The following RUNX3 variants were observed in gnomAD, a reference collection of about 807,000 sequenced individuals.
The protein encoded by RUNX3 is runt-related transcription factor 3.
In RUNX3, 10 loss-of-function variants were observed where a neutral mutation model predicts 27.7. That is an observed-to-expected ratio of 0.36 (90% confidence interval 0.22 to 0.61). The LOEUF (loss-of-function observed/expected upper bound fraction) is 0.61. Ranked by LOEUF, RUNX3 falls within the 20% of genes least tolerant of loss-of-function variation. The pLI is 0.72. For synonymous variants in RUNX3, 270 were observed against 269.2 expected (o/e 1.00, Z -0.03); for missense variants, 469 against 629.5 (o/e 0.75, Z 2.73).
Position 24,902,477 on chromosome 1 carries a change from G to A in RUNX3, c.893C>T (p.Pro298Leu), listed in dbSNP as rs764020894. The change falls in exon 5 of 5, where the codon CCG becomes CTG. Residue 298 changes from proline (P) to leucine (L), a missense_variant. Coordinates refer to ENST00000308873, the MANE Select transcript of RUNX3 (RefSeq NM_004350.3). This position sits in a 1 kb window ranked among gnomAD's most constrained non-coding sequence, Gnocchi z 9.2. ...GGTATGGTGGAAGCGGCTGGTGGCCGGCATGCCCGCCACGCTGAGGCTGCT... is the reference window on the plus strand; with the variant it reads ...GGTATGGTGGAAGCGGCTGGTGGCCAGCATGCCCGCCACGCTGAGGCTGCT... ...SISSLSVAGM[P>L]ATSRFHHTYL... 9 of 1,600,540 alleles carry A rather than the reference G, an allele frequency of 5.6e-6. No homozygotes were observed. The highest frequency in any genetic ancestry group is 2.7e-5 in the African/African-American group (2 of 74,682).
intron 2 of RUNX3, among the ~76,000 whole-genome samples, chr1:24,921,047 A>G (rs930942361): frequency 6.6e-6 from 1 of 152,100 alleles, no homozygotes; most frequent in Admixed American, 6.6e-5. Context: ...GTAGGGGCCA[A>G]TGGTCTCGCA....
At chr1:24,909,295 G>A (rs531226628) in intron 3 of RUNX3, among the ~76,000 whole-genome samples, 22 of 152,212 alleles carry the variant, frequency 1.4e-4, no homozygotes, top group African/African-American at 4.8e-4. Flanking sequence ...TCTGTCCACC[G>A]CTCTAAGCTC....
intron 2 of RUNX3, among the ~76,000 whole-genome samples, chr1:24,956,211 G>A (rs1037790514): frequency 1.1e-4 from 16 of 152,246 alleles, no homozygotes; most frequent in African/African-American, 3.6e-4. Flanking sequence ...CCAGGCTGGA[G>A]CTCAGGCTGA....
At chr1:24,905,657 G>T (rs1245377197) in intron 4 of RUNX3, among the ~76,000 whole-genome samples, 1 of 152,270 alleles carries the variant, frequency 6.6e-6, no homozygotes, top group African/African-American at 2.4e-5. Flanking sequence ...TGGATGGGCA[G>T]ATGTGGGCTC....
Position 24,914,944 on chromosome 1 carries a change from C to T in RUNX3, c.544+4296G>A, listed in dbSNP as rs183912468. 1.2e-3 allele frequency among the ~76,000 whole-genome samples: 181 copies of T among 152,302 alleles called. 1 individual carries two copies. Among genetic ancestry groups the T allele is most frequent in the African/African-American group, 3.9e-3 (163 of 41,570 alleles). On this transcript the variant is annotated intron_variant, in intron 3 of 4. Coordinates refer to ENST00000308873, the MANE Select transcript of RUNX3 (RefSeq NM_004350.3). ...CCCTTGTTCCATCCCTTGCACGCTC[C>T]ACTCCTTCTCCCAGCTTTGTTTTTC...
rs1405091406 is a variant in RUNX3 at position 24,907,434 on chromosome 1, G to A, written c.545-17C>T. 1.9e-6 allele frequency: 3 copies of A among 1,602,948 alleles called. No homozygotes were observed. Among genetic ancestry groups the A allele is most frequent in the African/African-American group, 2.7e-5 (2 of 74,648 alleles). On this transcript the variant is annotated splice_polypyrimidine_tract_variant and intron_variant, in intron 3 of 4. Transcript: ENST00000308873. ...GCCGGTGCCCTGCAGAGCACAGGAA[G>A]CCCATCAGCCGTTGCTTCCCCAGAG...
chr1:24,944,061 T>TA lies in RUNX3; in HGVS notation c.59-14210dup, dbSNP rs200532135. Among the ~76,000 whole-genome samples, 878 of 152,300 alleles carry TA rather than the reference T, an allele frequency of 5.8e-3. 11 individuals carry two copies. The highest frequency in any genetic ancestry group is 0.02 in the African/African-American group (842 of 41,558). The stretch of plus-strand genomic sequence containing the variant: ...ATTAGCGACTTAGCCCTTGGGGCCT[T>TA]ACAGAGTTTCTTATTAAAATGTGAG... On this transcript the variant is annotated intron_variant, in intron 2 of 6. Coordinates refer to the RUNX3 transcript ENST00000338888.
chr1:24,902,751 C>T lies in RUNX3; in HGVS notation c.704-85G>A. 8.0e-7 allele frequency: 1 copy of T among 1,256,204 alleles called. No homozygotes were observed. Among genetic ancestry groups the T allele is most frequent in the Non-Finnish European group, 1.1e-6 (1 of 928,356 alleles). The allele number at this position is 1,256,204 out of a possible 1,614,324, so 77.8% of individuals were successfully genotyped here. ...GAAGAATGACCTTGGGCTCTGGTTCCCAAGGCCCATCTGGGGGACCCCTAG... is the reference window on the plus strand; with the variant it reads ...GAAGAATGACCTTGGGCTCTGGTTCTCAAGGCCCATCTGGGGGACCCCTAG... On this transcript the variant is annotated intron_variant, in intron 4 of 4. Coordinates refer to ENST00000308873, the MANE Select transcript of RUNX3 (RefSeq NM_004350.3). This position sits in a 1 kb window ranked among gnomAD's most constrained non-coding sequence, Gnocchi z 9.2.
chr1:24,917,145 C>T (rs1001592349), intron 3 of RUNX3, among the ~76,000 whole-genome samples: 11 of 152,196 alleles, frequency 7.2e-5, no homozygotes, highest in Admixed American at 1.3e-4. Context: ...TCCCACCAAG[C>T]GTCAAGACCC....
chr1:24,952,626 C>T (rs1399058149), intron 2 of RUNX3, among the ~76,000 whole-genome samples: 3 of 152,222 alleles, frequency 2.0e-5, no homozygotes, highest in African/African-American at 7.2e-5. Flanking sequence ...GGATGAGTGG[C>T]TCCACCTCTA....
At chr1:24,957,882 A>G (rs1641986118) in intron 2 of RUNX3, among the ~76,000 whole-genome samples, 1 of 152,264 alleles carries the variant, frequency 6.6e-6, no homozygotes, top group Non-Finnish European at 1.5e-5. Context: ...GCTGCAGCTG[A>G]GGCTTATAGC....
At position 24,902,825 on chromosome 1, in the gene RUNX3, C is replaced by T. The variant is rs1640587301; in HGVS notation, c.704-159G>A. Among the ~76,000 whole-genome samples, 1 of 152,188 alleles carries T rather than the reference C, an allele frequency of 6.6e-6. No homozygotes were observed. Among genetic ancestry groups the T allele is most frequent in the Non-Finnish European group, 1.5e-5 (1 of 68,020 alleles). ...CTGCCCTAGGCTGCCCGGGGCCTCC[C>T]CCGCCAGGACTCCGAACACAGACCT... On this transcript the variant is annotated intron_variant, in intron 4 of 4. Coordinates refer to ENST00000308873, the MANE Select transcript of RUNX3 (RefSeq NM_004350.3). This position sits in a 1 kb window ranked among gnomAD's most constrained non-coding sequence, Gnocchi z 9.2.
At chr1:24,919,467 T>C (rs1465688432) in intron 2 of RUNX3, 123 bp from the exon 3 acceptor site, 11 of 616,612 alleles carry the variant, frequency 1.8e-5, no homozygotes, top group Admixed American at 3.0e-5. Flanking sequence ...CTGTCCTCTT[T>C]GAACATGGGC....
rs761778827 is a variant in RUNX3 at position 24,929,726 on chromosome 1, G to A, written c.143C>T (p.Ala48Val). The change falls in exon 1 of 5, where the codon GCC (alanine) becomes GTC (valine). Residue 48 changes from alanine to valine, a missense_variant. Ala to Val is a moderately conservative substitution (Grantham distance 64). Around this residue, in one of 3 missense-constraint regions of RUNX3, gnomAD observed 115 missense variants for 118.0 expected, o/e 0.97. Transcript: ENST00000308873. ...AQAAVGPGGRARPEVRSMVDV... is the reference protein window; with the variant it reads ...AQAAVGPGGRVRPEVRSMVDV... ...CACCATCGAGCGCACCTCGGGCCGG[G>A]CGCGCCCTCCGGGCCCCACGGCCGC... 3 of 1,509,360 alleles carry A rather than the reference G, an allele frequency of 2.0e-6. No individual in the cohort carries two copies. Among genetic ancestry groups the A allele is most frequent in the Non-Finnish European group, 1.8e-6 (2 of 1,138,904 alleles). 93.5% of individuals were successfully genotyped at this position (1,509,360 alleles called of 1,614,324 possible).
chr1:24,928,040 G>C (rs1043020064), intron 1 of RUNX3, among the ~76,000 whole-genome samples: 2 of 152,234 alleles, frequency 1.3e-5, no homozygotes, highest in African/African-American at 4.8e-5. Context: ...CAGTCACTAT[G>C]ATGTGGGGTG....
intron 1 of RUNX3, 107 bp downstream of exon 1, chr1:24,929,480 C>G: frequency 1.7e-6 from 2 of 1,144,002 alleles, no homozygotes; most frequent in Non-Finnish European, 2.5e-6. Flanking sequence ...GTCGCCGCGG[C>G]GTCTCGGGCA....
chr1:24,941,609 C>T (rs1641481358), intron 2 of RUNX3, among the ~76,000 whole-genome samples: 1 of 152,178 alleles, frequency 6.6e-6, no homozygotes, highest in South Asian at 2.1e-4. Context: ...CCTGGCCTGG[C>T]TGTGTGGGGA....
At chr1:24,948,698 G>T (rs1194530957) in intron 2 of RUNX3, among the ~76,000 whole-genome samples, 1 of 151,054 alleles carries the variant, frequency 6.6e-6, no homozygotes, top group African/African-American at 2.4e-5. Flanking sequence ...GTGCATGGGA[G>T]AGAAGGGTTT....
At chr1:24,939,525 C>T (rs1641426755) in intron 2 of RUNX3, among the ~76,000 whole-genome samples, 1 of 152,262 alleles carries the variant, frequency 6.6e-6, no homozygotes, top group Non-Finnish European at 1.5e-5. Flanking sequence ...GCTGTGTAAA[C>T]AGCAGACCAT....
Sources: gnomAD v4.1 joint callset for allele counts (sites outside exome capture counted in the v4.1 genomes callset) on GRCh38, gnomAD v4.1.1 for gene constraint, gnomAD v4.1.1 regional missense constraint, Gnocchi (gnomAD v3.1) non-coding constraint, MANE v1.5 for transcripts, NCBI Gene and HGNC (gene_info 2026-07-23, HGNC 2026-07-21) for gene names.